Variants in WDPCP observed in about 807,000 individuals in gnomAD.
WDPCP encodes the protein WD repeat containing planar cell polarity effector, also known as WD repeat-containing and planar cell polarity effector protein fritz homolog.
WDPCP carries 71 observed loss-of-function variants against 93.1 expected under a neutral mutation model. The ratio of observed to expected loss-of-function variants is 0.76; its 90% CI spans 0.63 to 0.93. WDPCP has a LOEUF of 0.93. WDPCP is among the 40% of genes least tolerant of loss of function. WDPCP has a pLI of 0.00. For missense variants in WDPCP, 844 were observed against 887.4 expected (o/e 0.95, Z 0.62); for synonymous variants, 315 against 315.0 (o/e 1.00, Z 0.00).
chr2:63,577,460 C>T (rs1257762017), intron 1 of WDPCP, among the ~76,000 whole-genome samples: 2 of 152,150 alleles, frequency 1.3e-5, no homozygotes, highest in Non-Finnish European at 2.9e-5. Context: ...AAAGGCATCT[C>T]ATCTCATTTT....
At chr2:63,230,330 T>TATCA (rs993197083) in intron 14 of WDPCP, among the ~76,000 whole-genome samples, 21 of 152,122 alleles carry the variant, frequency 1.4e-4, no homozygotes, top group Admixed American at 1.3e-4. Flanking sequence ...TAATCCAGTC[T>TATCA]ATCATTGATG....
intron 14 of WDPCP, chr2:63,233,414 A>C (rs1019347589): frequency 4.6e-6 from 1 of 217,532 alleles, no homozygotes; most frequent in African/African-American, 2.3e-5. Flanking sequence ...GACCAACTCA[A>C]AATTAAGTCC....
chr2:63,399,632 G>A (rs1693995795), intron 10 of WDPCP, among the ~76,000 whole-genome samples: 1 of 150,336 alleles, frequency 6.7e-6, no homozygotes, highest in Non-Finnish European at 1.5e-5. Context: ...GAGAGACAGA[G>A]TATGTGAGAA....
chr2:63,786,776 T>C (rs1262705243), intron 2 of WDPCP, among the ~76,000 whole-genome samples: 1 of 151,804 alleles, frequency 6.6e-6, no homozygotes, highest in Non-Finnish European at 1.5e-5. Flanking sequence ...ACTTACAAAA[T>C]GAAAAAGAAT....
chr2:63,401,097 T>C (rs1558578210), intron 10 of WDPCP, among the ~76,000 whole-genome samples: 2 of 151,998 alleles, frequency 1.3e-5, no homozygotes, highest in Non-Finnish European at 2.9e-5. Context: ...AAAGACTTCA[T>C]GACGAAAAAA....
Position 63,739,521 on chromosome 2 carries a change from G to A in WDPCP, n.308+74101C>T, listed in dbSNP as rs150322655. Among the ~76,000 whole-genome samples the A allele has an allele frequency of 4.1e-3, 622 of 152,178 alleles. 3 individuals carry two copies. Among genetic ancestry groups the A allele is most frequent in the African/African-American group, 0.014 (582 of 41,538 alleles). The stretch of plus-strand genomic sequence containing the variant: ...ATATATCTTCATGGTAGAATGGTTT[G>A]TATTTCTCTGGGTATGTACCCAGTA... On this transcript the variant is annotated intron_variant and non_coding_transcript_variant, in intron 2 of 4. Coordinates refer to the WDPCP transcript ENST00000467687.
intron 17 of WDPCP, among the ~76,000 whole-genome samples, chr2:63,145,404 C>T (rs1463626400): frequency 6.6e-6 from 1 of 152,122 alleles, no homozygotes; most frequent in African/African-American, 2.4e-5. Context: ...TGTCTGAGCT[C>T]AGACTCTCCT....
At chr2:63,476,152 TC>T in intron 6 of WDPCP, among the ~76,000 whole-genome samples, 1 of 152,222 alleles carries the variant, frequency 6.6e-6, no homozygotes, top group Admixed American at 6.5e-5. Flanking sequence ...TTACCCTACA[TC>T]CCACTGCCAG....
intron 2 of WDPCP, among the ~76,000 whole-genome samples, chr2:63,754,248 G>A (rs1373320395): frequency 6.6e-6 from 1 of 152,190 alleles, no homozygotes; most frequent in Non-Finnish European, 1.5e-5. Flanking sequence ...AGGGCTAGCT[G>A]TAAGCTATTA....
upstream of WDPCP, chr2:63,589,233 C>G: frequency 6.4e-7 from 1 of 1,558,960 alleles, no homozygotes; most frequent in South Asian, 1.2e-5. Context: ...TGATTTCCAC[C>G]TTGCGGGGTA....
chr2:63,334,666 G>A (rs1237852119), intron 12 of WDPCP, among the ~76,000 whole-genome samples: 1 of 152,048 alleles, frequency 6.6e-6, no homozygotes, highest in Non-Finnish European at 1.5e-5. Context: ...TGAGTTTGGG[G>A]CCCCAAGATT....
intron 3 of WDPCP, among the ~76,000 whole-genome samples, chr2:63,632,752 A>G (rs979104275): frequency 6.6e-5 from 10 of 152,200 alleles, no homozygotes; most frequent in Non-Finnish European, 2.9e-5. Context: ...CAATGTATAC[A>G]TTATGGGAGT....
At chr2:63,742,836 C>T (rs1669743911) in intron 2 of WDPCP, among the ~76,000 whole-genome samples, 1 of 151,354 alleles carries the variant, frequency 6.6e-6, no homozygotes. Context: ...ACACAGAGCC[C>T]AATGTTATCA....
At chr2:63,709,145 ATCACTTGAACCCTGGAGGTG>A (rs1380352357) in intron 2 of WDPCP, among the ~76,000 whole-genome samples, 1,063 of 73,518 alleles carry the variant, frequency 0.014, 243 homozygotes, top group Middle Eastern at 0.032. Flanking sequence ...AGGCCAGAGA[ATCACTTGAACCCTGGAGGTG>A]TGACCCGGGC....
At position 63,313,886 on chromosome 2, in the gene WDPCP, A is replaced by ATATGTGTGTGTGTATATATATATATTTTT; in HGVS notation, c.1749-576_1749-575insAAAAATATATATATATACACACACACATA. The stretch of plus-strand genomic sequence containing the variant: ...TATATATATATATATATATATATAT[A>ATATGTGTGTGTGTATATATATATATTTTT]TTTTTTTTTTTTTGGAGATGGAGTC... On this transcript the variant is annotated intron_variant, in intron 12 of 17. Coordinates refer to ENST00000272321, the MANE Select transcript of WDPCP (RefSeq NM_015910.7). Among the ~76,000 whole-genome samples the ATATGTGTGTGTGTATATATATATATTTTT allele has an allele frequency of 5.0e-4, 37 of 74,470 alleles. 2 individuals are homozygous for ATATGTGTGTGTGTATATATATATATTTTT. In the East Asian group the frequency reaches 5.8e-3, roughly 12 times the overall value. 48.9% of individuals were successfully genotyped at this position (74,470 alleles called of 152,430 possible). A position where few individuals can be genotyped will look rare whatever the true frequency, so the allele number is the denominator to read the frequency against.
chr2:63,520,701 G>T (rs1702861645), intron 1 of WDPCP, among the ~76,000 whole-genome samples: 1 of 151,950 alleles, frequency 6.6e-6, no homozygotes, highest in African/African-American at 2.4e-5. Flanking sequence ...AGACCAGCCT[G>T]GGCAACATGG....
chr2:63,368,967 G>C (rs1010525421), intron 12 of WDPCP: 4 of 153,822 alleles, frequency 2.6e-5, no homozygotes, highest in African/African-American at 9.7e-5. Context: ...CAATAGAGTA[G>C]AATATCTAAC....
chr2:63,619,041 G>A (rs947019201), intron 3 of WDPCP, among the ~76,000 whole-genome samples: 2 of 152,118 alleles, frequency 1.3e-5, no homozygotes, highest in African/African-American at 4.8e-5. Flanking sequence ...GTGTGAAGAG[G>A]ATCTATTTCA....
chr2:63,215,962 G>A (rs6738005), intron 14 of WDPCP, among the ~76,000 whole-genome samples: 1,957 of 152,180 alleles, frequency 0.013, 46 homozygotes, highest in African/African-American at 0.045. Flanking sequence ...AAAAATGCTC[G>A]TCATCACTGG....
Sources: allele counts gnomAD v4.1 joint callset (sites outside exome capture counted in the v4.1 genomes callset), GRCh38; gene constraint gnomAD v4.1.1; transcripts MANE v1.5; gene names NCBI Gene and HGNC (gene_info 2026-07-23, HGNC 2026-07-21).